Variants in OR51B5 observed in about 807,000 individuals in gnomAD.
The protein encoded by OR51B5 is olfactory receptor 51B5.
For synonymous variants in OR51B5, 186 were observed against 144.8 expected (o/e 1.28, Z -2.04); for missense variants, 456 against 374.6 (o/e 1.22, Z -1.79).
intron 1 of OR51B5, among the ~76,000 whole-genome samples, chr11:5,456,988 T>C (rs1360656653): frequency 6.6e-6 from 1 of 152,192 alleles, no homozygotes; most frequent in Non-Finnish European, 1.5e-5. Context: ...ATTTTAAGTT[T>C]CCTGAGGCCT....
chr11:5,356,287 T>C (rs1031789288), intron 1 of OR51B5, among the ~76,000 whole-genome samples: 3 of 151,842 alleles, frequency 2.0e-5, no homozygotes, highest in African/African-American at 7.3e-5. Flanking sequence ...TTAAAGGACC[T>C]GATGGAGCTG....
In OR51B5 at chr11:5,343,465, T is replaced by G. The variant is rs1243680750; in HGVS notation, c.60A>C (p.Glu20Asp). The change falls in exon 1 of 1, where the codon GAA becomes GAC. Residue 20 changes from glutamate to aspartate, a missense_variant. Physicochemically the swap from Glu to Asp is conservative, Grantham distance 45. Transcript: ENST00000300773. The stretch of plus-strand genomic sequence containing the variant: ...AAAATACGGAAATCCAGTGATGAGC[T>G]TCCTCCAAGCCTGGAAAACCAGTCA... 1.9e-6 allele frequency: 3 copies of G among 1,554,878 alleles called. No homozygotes were observed. The East Asian group carries it at 6.7e-5, about 35-fold the overall frequency.
chr11:5,374,051 C>T (rs1019166429), intron 1 of OR51B5, among the ~76,000 whole-genome samples: 3 of 152,130 alleles, frequency 2.0e-5, no homozygotes, highest in Non-Finnish European at 2.9e-5. Flanking sequence ...TGACCCCTGA[C>T]CCCCGAGCAG....
At chr11:5,413,513 G>T (rs1811689827) in intron 1 of OR51B5, among the ~76,000 whole-genome samples, 1 of 151,860 alleles carries the variant, frequency 6.6e-6, no homozygotes, top group African/African-American at 2.4e-5. Context: ...CAAACCAAAG[G>T]CAAAGAAGTT....
chr11:5,359,053 A>C (rs2133695597), intron 1 of OR51B5, among the ~76,000 whole-genome samples: 1 of 152,298 alleles, frequency 6.6e-6, no homozygotes, highest in Non-Finnish European at 1.5e-5. Context: ...AATGGACAAA[A>C]ACTGGAAGCA....
intron 1 of OR51B5, among the ~76,000 whole-genome samples, chr11:5,485,203 C>A (rs913083961): frequency 6.6e-6 from 1 of 152,134 alleles, no homozygotes; most frequent in African/African-American, 2.4e-5. Flanking sequence ...TAAAAGAATA[C>A]ACAGTACACA....
At chr11:5,388,208 C>T (rs1355603740) in intron 1 of OR51B5, among the ~76,000 whole-genome samples, 1 of 151,236 alleles carries the variant, frequency 6.6e-6, no homozygotes, top group East Asian at 1.9e-4. Context: ...GATATGGTGG[C>T]TAAAAAAGTC....
intron 1 of OR51B5, among the ~76,000 whole-genome samples, chr11:5,369,566 A>G (rs1849420630): frequency 6.6e-6 from 1 of 152,164 alleles, no homozygotes; most frequent in South Asian, 2.1e-4. Flanking sequence ...AAATATGTCT[A>G]TGATATAATT....
chr11:5,453,592 A>G (rs1370375730), intron 1 of OR51B5: 6 of 1,613,382 alleles, frequency 3.7e-6, no homozygotes, highest in African/African-American at 1.3e-5. Flanking sequence ...TGCGTGATGT[A>G]TGCTGTGGCC....
chr11:5,385,708 GTATA>G (rs1324932469), intron 1 of OR51B5, among the ~76,000 whole-genome samples: 1 of 143,692 alleles, frequency 7.0e-6, no homozygotes, highest in East Asian at 2.0e-4. Flanking sequence ...GTTGTACAAA[GTATA>G]TATATGTGTA....
At chr11:5,393,839 G>A (rs12279283) in intron 1 of OR51B5, among the ~76,000 whole-genome samples, 4,808 of 152,166 alleles carry the variant, frequency 0.032, 255 homozygotes, top group African/African-American at 0.11. Context: ...AGTCAGAACT[G>A]AAATTCAATA....
chr11:5,385,426 C>G (rs1339180021), intron 1 of OR51B5: 2 of 152,188 alleles, frequency 1.3e-5, no homozygotes, highest in Admixed American at 6.5e-5. Context: ...GAGCTGACAA[C>G]AGAACCCCAG....
At chr11:5,422,938 C>T in intron 1 of OR51B5, 2 of 1,614,108 alleles carry the variant, frequency 1.2e-6, no homozygotes, top group Non-Finnish European at 1.7e-6. Context: ...GCCTGTCCCA[C>T]ATTCTAGCTG....
upstream of OR51B5, among the ~76,000 whole-genome samples, chr11:5,345,135 G>T (rs555826127): frequency 3.9e-5 from 6 of 152,094 alleles, no homozygotes; most frequent in Admixed American, 3.3e-4. Context: ...TTTTTGTTTT[G>T]TTTTGTTTTC....
At chr11:5,449,693 G>T (rs956472) in intron 1 of OR51B5, among the ~76,000 whole-genome samples, 65,096 of 151,998 alleles carry the variant, frequency 0.43, 16,072 homozygotes, top group Non-Finnish European at 0.56. Context: ...AGAGAGGGAA[G>T]CAGGACTCAG....
At chr11:5,398,069 C>A (rs905764289) in intron 1 of OR51B5, among the ~76,000 whole-genome samples, 2 of 151,866 alleles carry the variant, frequency 1.3e-5, no homozygotes, top group African/African-American at 4.8e-5. Flanking sequence ...GAGGAGGGGG[C>A]AGGGATAGCA....
At chr11:5,404,310 TGGA>T (rs1850025200) in intron 1 of OR51B5, among the ~76,000 whole-genome samples, 1 of 152,054 alleles carries the variant, frequency 6.6e-6, no homozygotes, top group African/African-American at 2.4e-5. Flanking sequence ...GGTGGGGACT[TGGA>T]GAACTTTTCT....
chr11:5,358,577 G>T (rs960985464), intron 1 of OR51B5, among the ~76,000 whole-genome samples: 12 of 152,152 alleles, frequency 7.9e-5, no homozygotes, highest in African/African-American at 2.7e-4. Flanking sequence ...AGGAGGAGCT[G>T]GTACCATTCC....
intron 1 of OR51B5, among the ~76,000 whole-genome samples, chr11:5,492,215 T>G (rs2133815855): frequency 6.6e-6 from 1 of 152,160 alleles, no homozygotes; most frequent in Middle Eastern, 3.4e-3. Context: ...CCACCAAGTC[T>G]GTCTCTCTCA....
Sources: allele counts gnomAD v4.1 joint callset (sites outside exome capture counted in the v4.1 genomes callset), GRCh38; gene constraint gnomAD v4.1.1; transcripts MANE v1.5; gene names NCBI Gene and HGNC (gene_info 2026-07-23, HGNC 2026-07-21).